The following USP14 variants were observed in gnomAD, a reference collection of about 807,000 sequenced individuals.
USP14 encodes ubiquitin specific peptidase 14.
Under a neutral mutation model 76.5 loss-of-function variants are expected in USP14, and 38 were observed. That is an observed-to-expected ratio of 0.50 (90% CI 0.38 to 0.65). The LOEUF is 0.65. USP14 is among the 30% of genes least tolerant of loss of function. The probability of loss-of-function intolerance (pLI) is 0.00; values close to 1 mark genes in which losing one functional copy is unlikely to be tolerated. For missense variants in USP14, 467 were observed against 586.5 expected, an observed-to-expected ratio of 0.80 and a Z score of 2.10; for synonymous variants, 192 against 191.7, an observed-to-expected ratio of 1.00 and a Z score of -0.01.
chr18:190,570 T>C (rs1249044835), intron 5 of USP14, among the ~76,000 whole-genome samples: 1 of 152,210 alleles, frequency 6.6e-6, no homozygotes, highest in African/African-American at 2.4e-5. Flanking sequence ...GATTGTGGCC[T>C]ACATAACTTT....
intron 5 of USP14, among the ~76,000 whole-genome samples, chr18:190,136 T>A (rs1035490720): frequency 6.6e-6 from 1 of 152,216 alleles, no homozygotes; most frequent in African/African-American, 2.4e-5. Flanking sequence ...ATTCATGCTA[T>A]ATAGTATAGT....
Position 210,595 on chromosome 18 carries a change from C to G in USP14, c.1333+102C>G, listed in dbSNP as rs140946465. 44 of 714,068 alleles carry G rather than the reference C, an allele frequency of 6.2e-5. No individual in the cohort carries two copies. In the East Asian group the frequency reaches 1.2e-3, roughly 20 times the overall value. The allele number at this position is 714,068 out of a possible 1,614,324, so 44.2% of individuals were successfully genotyped here. On this transcript the variant is annotated intron_variant, in intron 15 of 15. Coordinates refer to ENST00000261601, the MANE Select transcript of USP14 (RefSeq NM_005151.4). Reference sequence around the variant, plus strand: ...TTTCAAACTTTGGGTCTCAGAACCACTTTACATTCTTGAAGCCCCAAAGAG... The same window carrying G: ...TTTCAAACTTTGGGTCTCAGAACCAGTTTACATTCTTGAAGCCCCAAAGAG...
intron 5 of USP14, among the ~76,000 whole-genome samples, chr18:185,826 T>C (rs1293016456): frequency 1.3e-5 from 2 of 151,606 alleles, no homozygotes; most frequent in Non-Finnish European, 2.9e-5. Context: ...CCCGAGCAGC[T>C]GGGACCTCAG....
chr18:187,981 A>C (rs999160207), intron 5 of USP14, among the ~76,000 whole-genome samples: 3 of 152,004 alleles, frequency 2.0e-5, no homozygotes, highest in African/African-American at 7.2e-5. Context: ...TACTCAGGTT[A>C]TTTTTGTCTG....
At chr18:169,981 CAA>C (rs1021578586) in intron 3 of USP14, among the ~76,000 whole-genome samples, 13 of 152,026 alleles carry the variant, frequency 8.6e-5, no homozygotes, top group African/African-American at 3.1e-4. Context: ...TTCCCTGAGA[CAA>C]GACAGTATTG....
At chr18:193,787 A>G (rs1238285176) in intron 6 of USP14, among the ~76,000 whole-genome samples, 3 of 152,222 alleles carry the variant, frequency 2.0e-5, no homozygotes, top group Non-Finnish European at 4.4e-5. Flanking sequence ...TTTATTGCTA[A>G]ATAAGAGTGC....
chr18:174,388 C>G (rs539915835), intron 3 of USP14, among the ~76,000 whole-genome samples: 1 of 151,558 alleles, frequency 6.6e-6, no homozygotes, highest in South Asian at 2.1e-4. Context: ...TCCTCAGCCT[C>G]CTGAGTAACT....
intron 13 of USP14, among the ~76,000 whole-genome samples, chr18:209,081 C>T (rs1201734567): frequency 4.6e-5 from 7 of 151,042 alleles, no homozygotes; most frequent in Middle Eastern, 3.4e-3. Flanking sequence ...GTGCAATCAT[C>T]GACATGTTAG....
Position 214,006 on chromosome 18 carries a change from T to TGATTGATTGA in USP14, c.*2722_*2723insGATTGATTGA, listed in dbSNP as rs146919041. ...AGATAGATAGATAGATAGATGATGA[T>TGATTGATTGA]TGATTGATGATTGATAGTAAATTAT... On this transcript the variant is annotated 3_prime_UTR_variant, in exon 16 of 16. Transcript: ENST00000261601. 0.031 allele frequency: 4,029 copies of TGATTGATTGA among 129,312 alleles called. 330 individuals are homozygous for TGATTGATTGA. The East Asian group carries it at 0.33, about 10-fold the overall frequency. 8.0% of individuals were successfully genotyped at this position (129,312 alleles called of 1,614,324 possible).
chr18:183,785 C>G (rs1209461979), intron 5 of USP14, among the ~76,000 whole-genome samples: 1 of 139,324 alleles, frequency 7.2e-6, no homozygotes, highest in Non-Finnish European at 1.6e-5. Flanking sequence ...CCTTTTAACT[C>G]TGTTCTTTTT....
At position 212,656 on chromosome 18, in the gene USP14, A is replaced by AT. The variant is rs1910701683; in HGVS notation, c.*1376dup. 1 of 152,064 alleles carries AT rather than the reference A, an allele frequency of 6.6e-6. No homozygotes were observed. Among genetic ancestry groups the AT allele is most frequent in the Non-Finnish European group, 1.5e-5 (1 of 68,008 alleles). 9.4% of individuals were successfully genotyped at this position (152,064 alleles called of 1,614,324 possible). On this transcript the variant is annotated 3_prime_UTR_variant, in exon 16 of 16. Transcript: ENST00000261601. ...TAATGTCTGTTTCAGAATTTTAGTGATTTTAAAGTGATAGTAGAAAATACC... is the reference window on the plus strand; with the variant it reads ...TAATGTCTGTTTCAGAATTTTAGTGATTTTTAAAGTGATAGTAGAAAATACC...
chr18:189,551 C>T (rs1038056276), intron 5 of USP14, among the ~76,000 whole-genome samples: 4 of 151,834 alleles, frequency 2.6e-5, no homozygotes, highest in Admixed American at 6.6e-5. Flanking sequence ...GGCACAATCT[C>T]GGCTCACTGC....
rs777267975 is a variant in USP14 at position 158,724 on chromosome 18, G to C, written c.16+10G>C. Reference sequence around the variant, plus strand: ...ATGCCGCTCTACTCCGGTGAGCCCTGTCCTGGCCTCGCGCGCAGCACACCG... The same window carrying C: ...ATGCCGCTCTACTCCGGTGAGCCCTCTCCTGGCCTCGCGCGCAGCACACCG... On this transcript the variant is annotated intron_variant, in intron 1 of 15. Coordinates refer to ENST00000261601, the MANE Select transcript of USP14 (RefSeq NM_005151.4). 2 of 1,512,006 alleles carry C rather than the reference G, an allele frequency of 1.3e-6. No homozygotes were observed. Among genetic ancestry groups the C allele is most frequent in the South Asian group, 1.2e-5 (1 of 81,218 alleles). The allele number at this position is 1,512,006 out of a possible 1,614,324, so 93.7% of individuals were successfully genotyped here.
chr18:185,110 C>T (rs575268), intron 5 of USP14, among the ~76,000 whole-genome samples: 1,610 of 152,150 alleles, frequency 0.011, 15 homozygotes, highest in Middle Eastern at 0.024. Context: ...ATATACACAG[C>T]GTTAACAGTT....
At chr18:197,728 T>A in intron 8 of USP14, 32 bp downstream of exon 8, 1 of 1,542,714 alleles carries the variant, frequency 6.5e-7, no homozygotes, top group South Asian at 1.2e-5. Flanking sequence ...TTATAGACTT[T>A]CGTTATACCT....
chr18:205,631 A>G (rs1430142319), intron 13 of USP14, among the ~76,000 whole-genome samples: 1 of 152,132 alleles, frequency 6.6e-6, no homozygotes, highest in Non-Finnish European at 1.5e-5. Context: ...AATAAAAAAA[A>G]TCAGTTGGAT....
intron 3 of USP14, among the ~76,000 whole-genome samples, chr18:176,762 A>T (rs1390084001): frequency 6.6e-6 from 1 of 151,974 alleles, no homozygotes; most frequent in African/African-American, 2.4e-5. Context: ...ATGAATATTA[A>T]TTTTTTTACA....
At chr18:172,271 G>A (rs746577676) in intron 3 of USP14, among the ~76,000 whole-genome samples, 7 of 152,058 alleles carry the variant, frequency 4.6e-5, no homozygotes, top group Non-Finnish European at 1.0e-4. Flanking sequence ...AATGGAGCTT[G>A]AAATTGTGAC....
chr18:163,602 A>T (rs1195141326), intron 2 of USP14, 149 bp downstream of exon 2: 1 of 856,318 alleles, frequency 1.2e-6, no homozygotes, highest in African/African-American at 1.7e-5. Flanking sequence ...AAACTGTCTT[A>T]TGCCTGTTAG....
Sources: allele counts gnomAD v4.1 joint callset (sites outside exome capture counted in the v4.1 genomes callset), GRCh38; gene constraint gnomAD v4.1.1; transcripts MANE v1.5; gene names NCBI Gene and HGNC (gene_info 2026-07-23, HGNC 2026-07-21).